Variants in SLC25A29 observed in about 807,000 individuals in gnomAD.
The protein encoded by SLC25A29 is mitochondrial basic amino acids transporter.
SLC25A29 carries 13 observed loss-of-function variants against 10.0 expected under a neutral mutation model. That is an observed-to-expected ratio of 1.30 (90% confidence interval 0.85 to 2.07). The LOEUF (loss-of-function observed/expected upper bound fraction) is 2.07. SLC25A29 is among the 30% of genes most tolerant of loss of function. The pLI is 0.00. For synonymous variants in SLC25A29, 244 were observed against 221.1 expected, an observed-to-expected ratio of 1.10 and a Z score of -0.92; for missense variants, 475 against 447.6, an observed-to-expected ratio of 1.06 and a Z score of -0.55.
At position 100,292,495 on chromosome 14, in the gene SLC25A29, A is replaced by C. The variant is rs770024257; in HGVS notation, c.700T>G (p.Cys234Gly). 3.1e-6 allele frequency: 5 copies of C among 1,588,244 alleles called. No individual in the cohort carries two copies. Among genetic ancestry groups the C allele is most frequent in the Non-Finnish European group, 4.3e-6 (5 of 1,169,066 alleles). The change falls in exon 4 of 4, where the codon TGC becomes GGC. Residue 234 changes from cysteine to glycine, a missense_variant. Physicochemically the swap from Cys to Gly is radical, Grantham distance 159 (BLOSUM62 -3). Coordinates refer to ENST00000359232, the MANE Select transcript of SLC25A29 (RefSeq NM_001039355.3). ...GAPRYRGILDCVHQSYRAEGW... is the reference protein window; with the variant it reads ...GAPRYRGILDGVHQSYRAEGW... ...TCGGCGCGGTAGCTCTGGTGCACGCAGTCCAGGATGCCGCGGTAGCGCGGG... is the reference window on the plus strand; with the variant it reads ...TCGGCGCGGTAGCTCTGGTGCACGCCGTCCAGGATGCCGCGGTAGCGCGGG...
At position 100,292,264 on chromosome 14, in the gene SLC25A29, A is replaced by T; in HGVS notation, c.*19T>A. ...AGGTTTCTGAGAAGGAGCCCTGGGG[A>T]AGGAGGGCGGGGTGAGCGTCACAGG... is the stretch of plus-strand genomic sequence containing the variant. On this transcript the variant is annotated 3_prime_UTR_variant, in exon 4 of 4. Coordinates refer to ENST00000359232, the MANE Select transcript of SLC25A29 (RefSeq NM_001039355.3). The T allele has an allele frequency of 6.5e-7, 1 of 1,533,318 alleles. No individual in the cohort carries two copies. The highest frequency in any genetic ancestry group is 8.8e-7 in the Non-Finnish European group (1 of 1,141,170). The allele number at this position is 1,533,318 out of a possible 1,614,324, so 95.0% of individuals were successfully genotyped here.
intron 2 of SLC25A29, among the ~76,000 whole-genome samples, chr14:100,296,893 G>A (rs567292058): frequency 2.6e-5 from 4 of 151,892 alleles, no homozygotes; most frequent in Admixed American, 2.6e-4. Flanking sequence ...CCACTAGCCT[G>A]GCCAGGATGT....
chr14:100,289,011 G>C (rs372209816), downstream of SLC25A29, among the ~76,000 whole-genome samples: 12 of 152,312 alleles, frequency 7.9e-5, no homozygotes, highest in Non-Finnish European at 1.5e-4. Flanking sequence ...AGAAGACATG[G>C]AGACACAGAC....
chr14:100,292,492 C>A lies in SLC25A29; in HGVS notation c.703G>T (p.Val235Leu). Reference sequence around the variant, plus strand: ...CCCTCGGCGCGGTAGCTCTGGTGCACGCAGTCCAGGATGCCGCGGTAGCGC... The same window carrying A: ...CCCTCGGCGCGGTAGCTCTGGTGCAAGCAGTCCAGGATGCCGCGGTAGCGC... ...APRYRGILDCVHQSYRAEGWR... is the reference protein window; with the variant it reads ...APRYRGILDCLHQSYRAEGWR... The change falls in exon 4 of 4, where the codon GTG becomes TTG. Residue 235 changes from valine to leucine, a missense_variant. Transcript: ENST00000359232. The A allele has an allele frequency of 6.3e-7, 1 of 1,587,366 alleles. No homozygotes were observed. Among genetic ancestry groups the A allele is most frequent in the Non-Finnish European group, 8.6e-7 (1 of 1,168,680 alleles).
intron 2 of SLC25A29, chr14:100,293,631 C>A: frequency 2.0e-6 from 1 of 512,240 alleles, no homozygotes; most frequent in Non-Finnish European, 3.6e-6. Context: ...CAGACCAATT[C>A]AGGTTAAGCC....
downstream of SLC25A29, among the ~76,000 whole-genome samples, chr14:100,286,214 C>G (rs1402941316): frequency 2.0e-5 from 3 of 152,202 alleles, no homozygotes; most frequent in Non-Finnish European, 4.4e-5. Flanking sequence ...TTCATTCACT[C>G]ATTCATTCAG....
the SLC25A29 span, chr14:100,282,539 G>A: frequency 6.6e-6 from 1 of 152,172 alleles, no homozygotes; most frequent in South Asian, 2.1e-4. Flanking sequence ...AACTTCTGTA[G>A]GCCCTGGCTC....
intron 3 of SLC25A29, 56 bp downstream of exon 3, chr14:100,293,238 C>A: frequency 6.3e-7 from 1 of 1,581,772 alleles, no homozygotes; most frequent in Non-Finnish European, 8.6e-7. Context: ...GGTGGCAGCC[C>A]GGAAGCTAGT....
intron 2 of SLC25A29, chr14:100,294,499 T>G (rs1307382213): frequency 2.0e-5 from 3 of 152,260 alleles, no homozygotes; most frequent in Non-Finnish European, 4.4e-5. Flanking sequence ...GCAAGTGCCT[T>G]CGGTACTAGG....
In SLC25A29 at chr14:100,292,806, G is replaced by A. The variant is rs761695233; in HGVS notation, c.389C>T (p.Thr130Ile). The A allele has an allele frequency of 8.2e-6, 13 of 1,591,508 alleles. No individual in the cohort carries two copies. The African/African-American group carries it at 1.3e-4, about 16-fold the overall frequency. Residue 130 changes from threonine (T) to isoleucine (I), a missense_variant, in exon 4 of 4, where the codon ACC becomes ATC. By Grantham distance (89) the Thr-to-Ile change is moderately conservative (BLOSUM62 -1). Coordinates refer to ENST00000359232, the MANE Select transcript of SLC25A29 (RefSeq NM_001039355.3). ...LQLQDAGPARTYKGSLDCLAQ... is the reference protein window; with the variant it reads ...LQLQDAGPARIYKGSLDCLAQ... ...GAGGCAGTCCAGCGAGCCCTTGTAGGTGCGCGCTGGGCCCGCGTCCTGCAG... is the reference window on the plus strand; with the variant it reads ...GAGGCAGTCCAGCGAGCCCTTGTAGATGCGCGCTGGGCCCGCGTCCTGCAG...
At position 100,292,110 on chromosome 14, in the gene SLC25A29, G is replaced by A. The variant is rs1188242315; in HGVS notation, c.*173C>T. Reference sequence around the variant, plus strand: ...CTTATTTCATAGATGAGAACACTGAGGCAAGTGCAGTTCTCGGCCAAAACT... The same window carrying A: ...CTTATTTCATAGATGAGAACACTGAAGCAAGTGCAGTTCTCGGCCAAAACT... On this transcript the variant is annotated 3_prime_UTR_variant, in exon 4 of 4. Coordinates refer to ENST00000359232, the MANE Select transcript of SLC25A29 (RefSeq NM_001039355.3). 2 of 759,544 alleles carry A rather than the reference G, an allele frequency of 2.6e-6. No homozygotes were observed. Among genetic ancestry groups the A allele is most frequent in the Non-Finnish European group, 4.4e-6 (2 of 454,424 alleles). The allele number at this position is 759,544 out of a possible 1,614,324, so 47.1% of individuals were successfully genotyped here. A position where few individuals can be genotyped will look rare whatever the true frequency, so the allele number is the denominator to read the frequency against.
At chr14:100,306,155 C>A in intron 1 of SLC25A29, 44 bp downstream of exon 1, 1 of 1,399,934 alleles carries the variant, frequency 7.1e-7, no homozygotes. Flanking sequence ...ACCTCCCTCC[C>A]CGGACGCCTC....
At chr14:100,286,655 G>A (rs549671987), downstream of SLC25A29, among the ~76,000 whole-genome samples, 60 of 151,118 alleles carry the variant, frequency 4.0e-4, no homozygotes, top group African/African-American at 1.3e-3. Flanking sequence ...TGGCCCCACC[G>A]CCTTTCCCAG....
the SLC25A29 span, among the ~76,000 whole-genome samples, chr14:100,284,894 C>A: frequency 6.6e-6 from 1 of 152,200 alleles, no homozygotes; most frequent in South Asian, 2.1e-4. Context: ...ACAAAATTAG[C>A]CGGGCGTGGT....
chr14:100,293,157 G>T (rs1182631228), intron 3 of SLC25A29, 125 bp from the exon 4 acceptor site: 12 of 1,450,838 alleles, frequency 8.3e-6, no homozygotes, highest in Non-Finnish European at 1.0e-5. Flanking sequence ...GCAGAATTTC[G>T]TTAGAACCTA....
chr14:100,292,799 C>T lies in SLC25A29; in HGVS notation c.396G>A (p.Lys132=). The change falls in exon 4 of 4, where the codon AAG becomes AAA. Residue 132 remains lysine (K), a synonymous_variant. Transcript: ENST00000359232. The part of the protein sequence containing the change: ...LQDAGPARTY[K]GSLDCLAQIY... ...TCTGCGCGAGGCAGTCCAGCGAGCC[C>T]TTGTAGGTGCGCGCTGGGCCCGCGT... 1.3e-6 allele frequency: 2 copies of T among 1,593,518 alleles called. No individual in the cohort carries two copies. Among genetic ancestry groups the T allele is most frequent in the Non-Finnish European group, 1.7e-6 (2 of 1,172,022 alleles).
At chr14:100,295,651 G>T (rs749837707) in intron 2 of SLC25A29, 1 of 1,289,338 alleles carries the variant, frequency 7.8e-7, no homozygotes, top group African/African-American at 1.5e-5. Context: ...TGAGGCTTAC[G>T]CCCATCTACA....
intron 1 of SLC25A29, among the ~76,000 whole-genome samples, 178 bp downstream of exon 1, chr14:100,306,021 C>A (rs1892916830): frequency 6.6e-6 from 1 of 152,162 alleles, no homozygotes; most frequent in Non-Finnish European, 1.5e-5. Flanking sequence ...CGCGGACAGC[C>A]CGGGCCTGAA....
At chr14:100,290,769 G>C (rs1272346925), downstream of SLC25A29, among the ~76,000 whole-genome samples, 1 of 152,206 alleles carries the variant, frequency 6.6e-6, no homozygotes, top group East Asian at 1.9e-4. Context: ...GCTCCACTCA[G>C]ACCTCCCCTC....
Sources: allele counts gnomAD v4.1 joint callset (sites outside exome capture counted in the v4.1 genomes callset), GRCh38; gene constraint gnomAD v4.1.1; transcripts MANE v1.5; gene names NCBI Gene and HGNC (gene_info 2026-07-23, HGNC 2026-07-21).